Variants in RGS8 observed in about 807,000 individuals in gnomAD.
RGS8 encodes the protein regulator of G-protein signaling 8.
Under a neutral mutation model 21.7 loss-of-function variants are expected in RGS8, and 8 were observed. The ratio of observed to expected loss-of-function variants is 0.37; its 90% CI spans 0.22 to 0.66. RGS8 has a LOEUF of 0.66. Among genes scored for constraint, RGS8 ranks in the 30% least tolerant of loss-of-function variants. RGS8 has a pLI of 0.59. For synonymous variants in RGS8, 80 were observed against 83.6 expected (o/e 0.96, Z 0.24); for missense variants, 157 against 217.9 (o/e 0.72, Z 1.76).
chr1:182,666,795 G>A (rs149046567), intron 4 of RGS8, 77 bp downstream of exon 5: 9 of 1,069,078 alleles, frequency 8.4e-6, no homozygotes, highest in African/African-American at 7.7e-5. Context: ...GGCTCATCTG[G>A]TCAGCATCTC....
the RGS8 span, among the ~76,000 whole-genome samples, chr1:182,689,901 G>A: frequency 9.9e-5 from 15 of 152,194 alleles, no homozygotes; most frequent in Admixed American, 3.9e-4. Flanking sequence ...GTCACTTCTA[G>A]GGAATAGAAT....
chr1:182,668,020 A>G (rs1663958332), intron 3 of RGS8, among the ~76,000 whole-genome samples: 1 of 151,974 alleles, frequency 6.6e-6, no homozygotes, highest in Admixed American at 6.5e-5. Flanking sequence ...GACAAACTAT[A>G]GCCCTGAAAA....
At chr1:182,648,930 A>G (rs995183183) in intron 5 of RGS8, among the ~76,000 whole-genome samples, 3 of 152,120 alleles carry the variant, frequency 2.0e-5, no homozygotes, top group African/African-American at 7.2e-5. Flanking sequence ...GCAAAACGTC[A>G]TCTCTACTAA....
chr1:182,742,839 G>T, the RGS8 span, among the ~76,000 whole-genome samples: 1 of 152,162 alleles, frequency 6.6e-6, no homozygotes, highest in East Asian at 1.9e-4. Flanking sequence ...AAGATGGTAG[G>T]ATTTGCTAAG....
At chr1:182,716,419 C>A in the RGS8 span, among the ~76,000 whole-genome samples, 1 of 151,946 alleles carries the variant, frequency 6.6e-6, no homozygotes, top group African/African-American at 2.4e-5. Flanking sequence ...AGCCACCACA[C>A]CTGGCCTGTA....
chr1:182,742,339 CG>C, the RGS8 span, among the ~76,000 whole-genome samples: 1 of 151,602 alleles, frequency 6.6e-6, no homozygotes, highest in Admixed American at 6.6e-5. Context: ...GACGGGGTGG[CG>C]GCCGGGCAGA....
At chr1:182,676,589 C>T (rs1292623197), upstream of RGS8, among the ~76,000 whole-genome samples, 1 of 152,198 alleles carries the variant, frequency 6.6e-6, no homozygotes, top group Non-Finnish European at 1.5e-5. Flanking sequence ...TTCCTCTGAG[C>T]ATTAGCAGCC....
chr1:182,648,213 G>T (rs34360993), exon 6 of RGS8: 2 of 1,613,694 alleles, frequency 1.2e-6, no homozygotes, highest in Non-Finnish European at 1.7e-6. Context: ...AGTTGACCTG[G>T]TCTTCTTGAA....
At chr1:182,724,243 T>C in the RGS8 span, among the ~76,000 whole-genome samples, 4 of 132,048 alleles carry the variant, frequency 3.0e-5, no homozygotes, top group Admixed American at 2.3e-4. Context: ...TATATATATA[T>C]ATATCCTATT....
At chr1:182,735,214 T>C in the RGS8 span, among the ~76,000 whole-genome samples, 2 of 152,222 alleles carry the variant, frequency 1.3e-5, no homozygotes, top group African/African-American at 4.8e-5. Context: ...ACTTATTTAA[T>C]GTATTGTCTG....
the RGS8 span, among the ~76,000 whole-genome samples, chr1:182,708,256 G>T: frequency 6.6e-6 from 1 of 152,124 alleles, no homozygotes; most frequent in Non-Finnish European, 1.5e-5. Context: ...CCCTCTGTTT[G>T]TCTTCCACTC....
At position 182,682,399 on chromosome 1, in the gene RGS8, G is replaced by C. The variant is rs563417275; in HGVS notation, n.221+1957C>G. Among the ~76,000 whole-genome samples the C allele has an allele frequency of 6.6e-5, 10 of 152,238 alleles. No individual in the cohort carries two copies. The South Asian group carries it at 1.2e-3, about 19-fold the overall frequency. ...TGAAGGGTCTGTTAGAGAGTAAATG[G>C]GGATGATGATACAAGGACAGGTGCT... On this transcript the variant is annotated intron_variant and non_coding_transcript_variant, in intron 1 of 4. Transcript: ENST00000515211.
At chr1:182,682,603 A>G (rs555761925) in intron 1 of RGS8, among the ~76,000 whole-genome samples, 1 of 152,306 alleles carries the variant, frequency 6.6e-6, no homozygotes, top group East Asian at 1.9e-4. Flanking sequence ...AGCTCCTTTG[A>G]AAGTGAGCCA....
chr1:182,698,542 C>T, the RGS8 span, among the ~76,000 whole-genome samples: 2 of 152,128 alleles, frequency 1.3e-5, no homozygotes, highest in African/African-American at 4.8e-5. Flanking sequence ...AGAAGAGTCT[C>T]CTTTCTCTGG....
At chr1:182,716,315 G>A in the RGS8 span, among the ~76,000 whole-genome samples, 1 of 151,920 alleles carries the variant, frequency 6.6e-6, no homozygotes, top group Non-Finnish European at 1.5e-5. Flanking sequence ...TAGTAAAGAA[G>A]GGGTTTCACT....
intron 5 of RGS8, among the ~76,000 whole-genome samples, chr1:182,665,510 C>A (rs564281788): frequency 1.2e-4 from 19 of 152,096 alleles, no homozygotes; most frequent in Non-Finnish European, 1.5e-5. Flanking sequence ...CAAAAAGCAA[C>A]AATAAAACTC....
At chr1:182,697,258 A>G in the RGS8 span, among the ~76,000 whole-genome samples, 1 of 152,254 alleles carries the variant, frequency 6.6e-6, no homozygotes, top group East Asian at 1.9e-4. Context: ...CAATCTTGGT[A>G]CTTGAATTTA....
intron 5 of RGS8, among the ~76,000 whole-genome samples, chr1:182,664,282 T>C (rs1267153419): frequency 7.4e-6 from 1 of 134,774 alleles, no homozygotes; most frequent in African/African-American, 3.9e-5. Flanking sequence ...AAAAGTATCA[T>C]TTAAAAAAAA....
At chr1:182,721,406 T>C in the RGS8 span, among the ~76,000 whole-genome samples, 27 of 152,282 alleles carry the variant, frequency 1.8e-4, no homozygotes, top group Middle Eastern at 3.4e-3. Flanking sequence ...AATCTCACTC[T>C]CTCAAAATAT....
Sources: allele counts gnomAD v4.1 joint callset (sites outside exome capture counted in the v4.1 genomes callset), GRCh38; gene constraint gnomAD v4.1.1; transcripts MANE v1.5; gene names NCBI Gene and HGNC (gene_info 2026-07-23, HGNC 2026-07-21).